The following TMBIM4 variants were observed in gnomAD, a reference collection of about 807,000 sequenced individuals.
TMBIM4 encodes the protein transmembrane BAX inhibitor motif containing 4.
TMBIM4 carries 28 observed loss-of-function variants against 27.7 expected under a neutral mutation model. That is an observed-to-expected ratio of 1.01 (90% confidence interval 0.75 to 1.38). TMBIM4 has a LOEUF of 1.38. TMBIM4 is among the 40% of genes most tolerant of loss of function. The probability of loss-of-function intolerance (pLI) is 0.00; values close to 1 mark genes in which losing one functional copy is unlikely to be tolerated. For synonymous variants in TMBIM4, 115 were observed against 113.1 expected (o/e 1.02, Z -0.11); for missense variants, 265 against 277.5 (o/e 0.95, Z 0.32).
chr12:66,155,359 A>AGAGAGAGAGAGAGAGAGAGAGG (rs1319061177), intron 1 of TMBIM4, among the ~76,000 whole-genome samples: 3 of 150,620 alleles, frequency 2.0e-5, no homozygotes, highest in Non-Finnish European at 2.9e-5. Context: ...AGAGAGAGAG[A>AGAGAGAGAGAGAGAGAGAGAGG]GGCAGGGTCT....
At chr12:66,159,319 C>G (rs2051996719) in intron 1 of TMBIM4, among the ~76,000 whole-genome samples, 1 of 152,194 alleles carries the variant, frequency 6.6e-6, no homozygotes. Flanking sequence ...CATGAGGACA[C>G]TGAAGCAGCC....
At chr12:66,154,271 T>C (rs2051897685) in intron 1 of TMBIM4, among the ~76,000 whole-genome samples, 1 of 152,174 alleles carries the variant, frequency 6.6e-6, no homozygotes, top group Non-Finnish European at 1.5e-5. Context: ...TCCTTCATGT[T>C]CCTGAGGAAC....
At chr12:66,151,915 T>C (rs1365470144) in intron 3 of TMBIM4, among the ~76,000 whole-genome samples, 3 of 152,182 alleles carry the variant, frequency 2.0e-5, no homozygotes, top group South Asian at 2.1e-4. Flanking sequence ...AAGAAAATAA[T>C]AGAATATTAG....
chr12:66,137,806 TATG>T lies in TMBIM4; in HGVS notation c.*151_*153del. On this transcript the variant is annotated 3_prime_UTR_variant, in exon 7 of 7. Transcript: ENST00000358230. ...AGATTTTAAAGCTCTCAAAATTACA[TATG>T]ATACAAATAAAGATTGTAACAGTAT... The T allele has an allele frequency of 6.5e-6, 4 of 619,034 alleles. No individual in the cohort carries two copies. The South Asian group carries it at 8.3e-5, about 13-fold the overall frequency. 38.3% of individuals were successfully genotyped at this position (619,034 alleles called of 1,614,324 possible). A position where few individuals can be genotyped will look rare whatever the true frequency, so the allele number is the denominator to read the frequency against.
chr12:66,143,116 A>G (rs1451281224), intron 5 of TMBIM4, among the ~76,000 whole-genome samples: 1 of 152,168 alleles, frequency 6.6e-6, no homozygotes, highest in Non-Finnish European at 1.5e-5. Context: ...TTATGACAGC[A>G]TTCTCTGTAG....
intron 1 of TMBIM4, among the ~76,000 whole-genome samples, chr12:66,154,860 T>G (rs888566151): frequency 5.3e-5 from 8 of 152,110 alleles, no homozygotes; most frequent in Admixed American, 5.2e-4. Context: ...TTAAACTTAA[T>G]TTTTCCCTCT....
chr12:66,142,936 C>A (rs181874661), intron 5 of TMBIM4, among the ~76,000 whole-genome samples: 73 of 152,270 alleles, frequency 4.8e-4, no homozygotes, highest in Non-Finnish European at 8.4e-4. Context: ...AAAACAGATA[C>A]CTTTTCTCCA....
At position 66,137,870 on chromosome 12, in the gene TMBIM4, C is replaced by A; in HGVS notation, c.*90G>T. 1 of 973,038 alleles carries A rather than the reference C, an allele frequency of 1.0e-6. No homozygotes were observed. 60.3% of individuals were successfully genotyped at this position (973,038 alleles called of 1,614,324 possible). ...TTTCAAACTTTATTACTTAATGAAA[C>A]AGTTTCTATATACTGCTTCCAATTA... On this transcript the variant is annotated 3_prime_UTR_variant, in exon 7 of 7. Transcript: ENST00000358230.
rs779877761 is a variant in TMBIM4, at chr12:66,169,919, G to C, written c.33C>G (p.Ser11=). 4 of 1,495,918 alleles carry C rather than the reference G, an allele frequency of 2.7e-6. No individual in the cohort carries two copies. The highest frequency in any genetic ancestry group is 2.5e-5 in the South Asian group (2 of 78,778). 92.7% of individuals were successfully genotyped at this position (1,495,918 alleles called of 1,614,324 possible). A position where few individuals can be genotyped will look rare whatever the true frequency, so the allele number is the denominator to read the frequency against. Residue 11 remains serine (S), a synonymous_variant, in exon 1 of 7, where the codon TCC becomes TCG. Coordinates refer to ENST00000358230, the MANE Select transcript of TMBIM4 (RefSeq NM_016056.4). The stretch of plus-strand genomic sequence containing the variant: ...CATAGTTGAAGTCGTCCTCGATCGA[G>C]GAGCGAGGGTACCGGGGGTCGGGGT... The part of the protein sequence containing the change: MADPDPRYPR[S]SIEDDFNYGS...
At chr12:66,143,471 T>C (rs1383669241) in intron 5 of TMBIM4, among the ~76,000 whole-genome samples, 1 of 152,206 alleles carries the variant, frequency 6.6e-6, no homozygotes, top group African/African-American at 2.4e-5. Context: ...ACATCCTTCA[T>C]GGCCTACTTT....
intron 3 of TMBIM4, among the ~76,000 whole-genome samples, chr12:66,149,170 G>A (rs2051800482): frequency 6.6e-6 from 1 of 152,114 alleles, no homozygotes; most frequent in African/African-American, 2.4e-5. Flanking sequence ...GCTGGGCATG[G>A]TGGCTCAGAC....
chr12:66,163,087 C>G (rs758729861), intron 1 of TMBIM4, among the ~76,000 whole-genome samples: 1 of 152,218 alleles, frequency 6.6e-6, no homozygotes, highest in South Asian at 2.1e-4. Flanking sequence ...CAAGGCCTCT[C>G]TAATGAATGC....
chr12:66,159,926 A>C (rs1410682722), intron 1 of TMBIM4, among the ~76,000 whole-genome samples: 2 of 152,218 alleles, frequency 1.3e-5, no homozygotes, highest in African/African-American at 4.8e-5. Context: ...GCTCACCTTC[A>C]CTCACATAGC....
intron 1 of TMBIM4, chr12:66,160,117 A>T: frequency 1.5e-6 from 1 of 687,256 alleles, no homozygotes; most frequent in Middle Eastern, 2.3e-4. Context: ...AGAGTTGAGG[A>T]GCTGCAACAG....
At position 66,135,938 on chromosome 12, in the gene TMBIM4, G is replaced by T; in HGVS notation, c.*2022C>A. ...CACAAACACTGCGGAAGGCTGCAGGGTCCTCTGCCTAGGAAAACCAGAGAC... is the reference window on the plus strand; with the variant it reads ...CACAAACACTGCGGAAGGCTGCAGGTTCCTCTGCCTAGGAAAACCAGAGAC... On this transcript the variant is annotated 3_prime_UTR_variant, in exon 7 of 7. Coordinates refer to ENST00000358230, the MANE Select transcript of TMBIM4 (RefSeq NM_016056.4). 1 of 73,000 alleles carries T rather than the reference G, an allele frequency of 1.4e-5. No individual in the cohort carries two copies. Among genetic ancestry groups the T allele is most frequent in the Non-Finnish European group, 2.5e-5 (1 of 40,616 alleles). 4.5% of individuals were successfully genotyped at this position (73,000 alleles called of 1,614,324 possible). A position where few individuals can be genotyped will look rare whatever the true frequency, so the allele number is the denominator to read the frequency against.
Position 66,138,167 on chromosome 12 carries a change from C to T in TMBIM4, c.511-1G>A, listed in dbSNP as rs1257119050. On this transcript the variant is annotated splice_acceptor_variant, in intron 6 of 6. Transcript: ENST00000358230. LOFTEE classifies it high-confidence loss of function. ...CCATTATCTCACTATAAAAAAAAAA[C>T]TATAGGGAAGAGATTAAAGAAATAT... 3.8e-6 allele frequency: 6 copies of T among 1,599,072 alleles called. No homozygotes were observed.
chr12:66,155,318 G>A (rs1300976274), intron 1 of TMBIM4, among the ~76,000 whole-genome samples: 11 of 149,034 alleles, frequency 7.4e-5, no homozygotes, highest in Non-Finnish European at 8.8e-5. Flanking sequence ...CCAGGATGGG[G>A]TGTGTGTGCA....
intron 1 of TMBIM4, among the ~76,000 whole-genome samples, chr12:66,162,815 T>C (rs1035455440): frequency 6.6e-6 from 1 of 152,052 alleles, no homozygotes; most frequent in African/African-American, 2.4e-5. Flanking sequence ...GTCTCTTTAT[T>C]TTGTTTTCAA....
chr12:66,139,792 T>C (rs2051637353), intron 5 of TMBIM4: 3 of 455,722 alleles, frequency 6.6e-6, no homozygotes, highest in East Asian at 1.4e-4. Flanking sequence ...AGAACCACAA[T>C]AGAGAAGCAG....
Sources: gnomAD v4.1 joint callset for allele counts (sites outside exome capture counted in the v4.1 genomes callset) on GRCh38, gnomAD v4.1.1 for gene constraint, MANE v1.5 for transcripts, NCBI Gene and HGNC (gene_info 2026-07-23, HGNC 2026-07-21) for gene names.